The following MID1 variants were observed in gnomAD, a reference collection of about 807,000 sequenced individuals.
MID1 encodes the protein E3 ubiquitin-protein ligase Midline-1.
Under a neutral mutation model 40.4 loss-of-function variants are expected in MID1, and 7 were observed. The ratio of observed to expected loss-of-function variants is 0.17; its 90% CI spans 0.10 to 0.33. The LOEUF is 0.33. MID1 is among the 10% of genes least tolerant of loss of function. The pLI, the probability that MID1 is intolerant of heterozygous loss-of-function variation, is 1.00. For synonymous variants in MID1, 229 were observed against 221.2 expected (o/e 1.04, Z -0.31); for missense variants, 367 against 558.5 (o/e 0.66, Z 3.46).
chrX:10,483,900 A>G (rs1930476644), intron 4 of MID1, among the ~76,000 whole-genome samples: 1 of 112,275 alleles, frequency 8.9e-6, no homozygotes, highest in Admixed American at 9.4e-5. Flanking sequence ...ACAAGATTTC[A>G]GGCAAGGGTG....
At chrX:10,636,784 G>GAATATATATA (rs1198448070) in intron 1 of MID1, among the ~76,000 whole-genome samples, 10 of 12,157 alleles carry the variant, frequency 8.2e-4, no homozygotes, top group African/African-American at 4.3e-3. Context: ...CCAACAATGG[G>GAATATATATA]GATATATATA....
intron 1 of MID1, among the ~76,000 whole-genome samples, chrX:10,729,784 T>C (rs1241013278): frequency 8.9e-6 from 1 of 112,242 alleles, no homozygotes; most frequent in East Asian, 2.8e-4. Flanking sequence ...TAGATGTTTC[T>C]AAAGATTTAA....
intron 1 of MID1, among the ~76,000 whole-genome samples, chrX:10,573,746 TGTTTC>T (rs1483288494): frequency 8.9e-6 from 1 of 112,312 alleles, no homozygotes. Context: ...GTTTTTTGTT[TGTTTC>T]ATGTACTGCC....
At chrX:10,490,175 T>C (rs1752236456) in intron 4 of MID1, among the ~76,000 whole-genome samples, 1 of 111,915 alleles carries the variant, frequency 8.9e-6, no homozygotes, top group Non-Finnish European at 1.9e-5. Flanking sequence ...CCCCATAACA[T>C]GATACATGGC....
At chrX:10,730,821 A>G (rs1410904175) in intron 1 of MID1, among the ~76,000 whole-genome samples, 4 of 110,453 alleles carry the variant, frequency 3.6e-5, no homozygotes, top group Non-Finnish European at 7.6e-5. Flanking sequence ...TGATCCGCCC[A>G]CGTCGGCCTC....
At chrX:10,808,698 C>T (rs893933350) in intron 1 of MID1, among the ~76,000 whole-genome samples, 28 of 111,713 alleles carry the variant, frequency 2.5e-4, no homozygotes, top group African/African-American at 5.8e-4. Flanking sequence ...ATTTAATAAA[C>T]GGTGCTGGGA....
intron 9 of MID1, 137 bp downstream of exon 9, chrX:10,454,733 T>C: frequency 1.8e-6 from 1 of 555,994 alleles, no homozygotes; most frequent in Admixed American, 2.6e-5. Context: ...TATGCAGTAT[T>C]ATCCTAGCAA....
At chrX:10,829,380 C>A (rs1342287443) in intron 1 of MID1, among the ~76,000 whole-genome samples, 1 of 111,947 alleles carries the variant, frequency 8.9e-6, no homozygotes, top group Non-Finnish European at 1.9e-5. Context: ...AAGTGAAGAG[C>A]AACTCACAAG....
intron 2 of MID1, among the ~76,000 whole-genome samples, chrX:10,562,371 T>TAA (rs760465620): frequency 1.6e-4 from 7 of 44,881 alleles, no homozygotes; most frequent in Non-Finnish European, 1.3e-4. Flanking sequence ...GAACTTAAAG[T>TAA]AAAAAAAAAA....
intron 3 of MID1, among the ~76,000 whole-genome samples, chrX:10,499,529 G>A (rs1417018828): frequency 9.0e-6 from 1 of 111,606 alleles, no homozygotes; most frequent in Non-Finnish European, 1.9e-5. Flanking sequence ...CCTATCCCAA[G>A]GTCATGGAGA....
At chrX:10,695,971 C>T (rs2043161166) in intron 1 of MID1, among the ~76,000 whole-genome samples, 1 of 111,770 alleles carries the variant, frequency 8.9e-6, no homozygotes, top group African/African-American at 3.3e-5. Context: ...CCCCGCCACA[C>T]ACACACAATG....
intron 9 of MID1, among the ~76,000 whole-genome samples, chrX:10,450,220 C>A (rs6640649): frequency 0.01 from 1,140 of 112,275 alleles, 14 homozygotes; most frequent in African/African-American, 0.035. Flanking sequence ...AAATAGCTGC[C>A]TGTGGCTCAT....
intron 3 of MID1, among the ~76,000 whole-genome samples, chrX:10,513,049 C>T: frequency 8.9e-6 from 1 of 112,220 alleles, no homozygotes; most frequent in Non-Finnish European, 1.9e-5. Context: ...ATGCATGACT[C>T]AATTATTTTG....
At chrX:10,785,907 G>T (rs1357001006) in intron 1 of MID1, among the ~76,000 whole-genome samples, 1 of 111,791 alleles carries the variant, frequency 8.9e-6, no homozygotes, top group Non-Finnish European at 1.9e-5. Flanking sequence ...ATAGGCATGG[G>T]CAAGGACTTC....
chrX:10,703,592 G>T (rs985246362), intron 1 of MID1, among the ~76,000 whole-genome samples: 4 of 111,575 alleles, frequency 3.6e-5, no homozygotes, highest in Non-Finnish European at 7.5e-5. Context: ...GCTTGAACCC[G>T]GGAGGTGGAG....
chrX:10,676,852 C>T (rs1197983703), intron 1 of MID1, among the ~76,000 whole-genome samples: 1 of 111,240 alleles, frequency 9.0e-6, no homozygotes, highest in African/African-American at 3.3e-5. Flanking sequence ...TAGGTCATGG[C>T]GAGGCACGGA....
At chrX:10,732,866 T>C (rs1209214156) in intron 1 of MID1, among the ~76,000 whole-genome samples, 5 of 79,218 alleles carry the variant, frequency 6.3e-5, no homozygotes, top group East Asian at 3.2e-4. Flanking sequence ...TCTTCTTCTT[T>C]TTTTTTTTTT....
intron 2 of MID1, among the ~76,000 whole-genome samples, chrX:10,553,805 A>T (rs780241274): frequency 8.9e-6 from 1 of 111,869 alleles, no homozygotes; most frequent in African/African-American, 3.3e-5. Context: ...CTCATCCTCA[A>T]TCATAGTCAC....
At chrX:10,766,908 C>CAAAA (rs61259004) in intron 1 of MID1, among the ~76,000 whole-genome samples, 2 of 57,346 alleles carry the variant, frequency 3.5e-5, no homozygotes, top group Non-Finnish European at 7.6e-5. Flanking sequence ...GACCCTGCCT[C>CAAAA]AAAAAAAAAA....
Sources: gnomAD v4.1 joint callset for allele counts (sites outside exome capture counted in the v4.1 genomes callset) on GRCh38, gnomAD v4.1.1 for gene constraint, MANE v1.5 for transcripts, NCBI Gene and HGNC (gene_info 2026-07-23, HGNC 2026-07-21) for gene names.